The following AGO4 variants were observed in gnomAD, a reference collection of about 807,000 sequenced individuals.
AGO4 encodes argonaute RISC component 4.
A neutral mutation model predicts 104.7 loss-of-function variants in AGO4; 33 were observed. The observed-to-expected ratio is 0.32, with a 90% confidence interval of 0.24 to 0.42. The LOEUF (loss-of-function observed/expected upper bound fraction) is 0.42. Ranked by LOEUF, AGO4 falls within the 10% of genes least tolerant of loss-of-function variation. The pLI, the probability that AGO4 is intolerant of heterozygous loss-of-function variation, is 1.00. For synonymous variants in AGO4, 331 were observed against 364.7 expected (o/e 0.91, Z 1.05); for missense variants, 711 against 1,083.4 (o/e 0.66, Z 4.83).
At chr1:35,821,752 G>C (rs1227771659) in intron 2 of AGO4, among the ~76,000 whole-genome samples, 1 of 152,156 alleles carries the variant, frequency 6.6e-6, no homozygotes, top group East Asian at 1.9e-4. Flanking sequence ...AATAAGACAA[G>C]ACGGTATACA....
At chr1:35,813,019 A>G (rs1643560475) in intron 1 of AGO4, among the ~76,000 whole-genome samples, 1 of 152,134 alleles carries the variant, frequency 6.6e-6, no homozygotes. Flanking sequence ...TTTACTATTT[A>G]CTTCTTACCT....
chr1:35,830,075 T>C (rs1368342175), intron 7 of AGO4, among the ~76,000 whole-genome samples: 3 of 141,522 alleles, frequency 2.1e-5, no homozygotes, highest in Admixed American at 7.6e-5. Context: ...GCCCAAGTGG[T>C]GGAGGTTTCA....
chr1:35,845,437 C>G (rs1231266386), intron 15 of AGO4, among the ~76,000 whole-genome samples: 1 of 151,902 alleles, frequency 6.6e-6, no homozygotes, highest in East Asian at 1.9e-4. Flanking sequence ...GAACTCCTGA[C>G]CTCAAGTGAT....
At chr1:35,814,551 C>T (rs948160359) in intron 1 of AGO4, among the ~76,000 whole-genome samples, 35 of 149,548 alleles carry the variant, frequency 2.3e-4, no homozygotes, top group Admixed American at 4.1e-4. Flanking sequence ...TGAGAACATG[C>T]GGTGTTTATA....
Position 35,817,053 on chromosome 1 carries a change from G to T in AGO4, c.185+6G>T. The T allele has an allele frequency of 6.3e-7, 1 of 1,587,466 alleles. No individual in the cohort carries two copies. Among genetic ancestry groups the T allele is most frequent in the Non-Finnish European group, 8.6e-7 (1 of 1,165,790 alleles). Reference sequence around the variant, plus strand: ...CGGCCTCGTAGAGTCAACAGGTAAGGATTAGAAACAGTGGATTTCTGTATA... The same window carrying T: ...CGGCCTCGTAGAGTCAACAGGTAAGTATTAGAAACAGTGGATTTCTGTATA... On this transcript the variant is annotated splice_donor_region_variant and intron_variant, in intron 2 of 17. Coordinates refer to ENST00000373210, the MANE Select transcript of AGO4 (RefSeq NM_017629.4).
chr1:35,823,164 A>C lies in AGO4; in HGVS notation c.306+182A>C, dbSNP rs374699439. On this transcript the variant is annotated intron_variant, in intron 3 of 17. Transcript: ENST00000373210. The stretch of plus-strand genomic sequence containing the variant: ...ATCAAAATATCACATGTACCCCAAA[A>C]GTATGTACAACTGTCATATATCAAT... Among the ~76,000 whole-genome samples the C allele has an allele frequency of 1.1e-4, 17 of 152,332 alleles. No individual in the cohort carries two copies. The East Asian group carries it at 1.5e-3, about 14-fold the overall frequency.
At chr1:35,821,279 G>A (rs771694082) in intron 2 of AGO4, among the ~76,000 whole-genome samples, 1 of 152,098 alleles carries the variant, frequency 6.6e-6, no homozygotes, top group African/African-American at 2.4e-5. Context: ...ACGATACCAC[G>A]TCTCTCCATC....
chr1:35,835,903 T>C lies in AGO4; in HGVS notation c.1634T>C (p.Val545Ala). 6.2e-7 allele frequency: 1 copy of C among 1,614,084 alleles called. No individual in the cohort carries two copies. Among genetic ancestry groups the C allele is most frequent in the Non-Finnish European group, 8.5e-7 (1 of 1,179,988 alleles). The change falls in exon 13 of 18, where the codon GTG becomes GCG. Residue 545 changes from valine (V) to alanine (A), a missense_variant. Coordinates refer to ENST00000373210, the MANE Select transcript of AGO4 (RefSeq NM_017629.4). ...CAGTGTGTCCAGGTAAAAAATGTAG[T>C]GAAGACCTCACCTCAAACCCTTTCC... ...ATQCVQVKNV[V>A]KTSPQTLSNL...
chr1:35,815,199 A>G (rs546359530), intron 1 of AGO4, among the ~76,000 whole-genome samples: 6 of 152,086 alleles, frequency 3.9e-5, no homozygotes, highest in Admixed American at 1.3e-4. Flanking sequence ...CTTGCTTCCA[A>G]GTTTTCTCTC....
At chr1:35,831,360 GA>G in intron 7 of AGO4, 66 bp from the exon 8 acceptor site, 2 of 1,519,086 alleles carry the variant, frequency 1.3e-6, no homozygotes. Context: ...CAAAAAAAAA[GA>G]AAAAAGAAAA....
At chr1:35,812,725 G>A (rs1643549655) in intron 1 of AGO4, among the ~76,000 whole-genome samples, 1 of 151,990 alleles carries the variant, frequency 6.6e-6, no homozygotes, top group South Asian at 2.1e-4. Context: ...CCGAGTAGCT[G>A]GGATTACAGG....
Position 35,808,079 on chromosome 1 carries a change from C to T in AGO4, c.-338C>T, listed in dbSNP as rs1643351823. 1 of 149,362 alleles carries T rather than the reference C, an allele frequency of 6.7e-6. No homozygotes were observed. 9.3% of individuals were successfully genotyped at this position (149,362 alleles called of 1,614,324 possible). On this transcript the variant is annotated 5_prime_UTR_variant, in exon 1 of 18. Coordinates refer to ENST00000373210, the MANE Select transcript of AGO4 (RefSeq NM_017629.4). The surrounding 1 kb of genome is among the most constrained non-coding windows in gnomAD (Gnocchi z 5.2). ...ACCCCGCGCCCGGGGCCGCGCACGCCCCCTCCGCCCGCCGGGACCCTGGGT... is the reference window on the plus strand; with the variant it reads ...ACCCCGCGCCCGGGGCCGCGCACGCTCCCTCCGCCCGCCGGGACCCTGGGT...
At position 35,833,974 on chromosome 1, in the gene AGO4, G is replaced by C. The variant is rs768967712; in HGVS notation, c.1380-16G>C. 6.8e-7 allele frequency: 1 copy of C among 1,467,486 alleles called. No individual in the cohort carries two copies. Among genetic ancestry groups the C allele is most frequent in the Non-Finnish European group, 9.1e-7 (1 of 1,100,320 alleles). 90.9% of individuals were successfully genotyped at this position (1,467,486 alleles called of 1,614,324 possible). A position where few individuals can be genotyped will look rare whatever the true frequency, so the allele number is the denominator to read the frequency against. On this transcript the variant is annotated splice_polypyrimidine_tract_variant and intron_variant, in intron 11 of 17. Transcript: ENST00000373210. The stretch of plus-strand genomic sequence containing the variant: ...CTGAAATGAAAAAAACCGTGTTACT[G>C]GTTCTATTTTAACAGGAGTTTCACT...
intron 1 of AGO4, among the ~76,000 whole-genome samples, chr1:35,813,472 G>A (rs1213784346): frequency 6.6e-6 from 1 of 151,296 alleles, no homozygotes; most frequent in Non-Finnish European, 1.5e-5. Context: ...AAAAATAATT[G>A]TCAGCTGGGC....
At chr1:35,818,873 A>C (rs1643817419) in intron 2 of AGO4, among the ~76,000 whole-genome samples, 2 of 152,208 alleles carry the variant, frequency 1.3e-5, no homozygotes, top group South Asian at 4.1e-4. Flanking sequence ...CTAAACCCAC[A>C]ACGTGACTAA....
rs1466208147 is a variant in AGO4, at chr1:35,808,270, G to T, written c.-147G>T. Reference sequence around the variant, plus strand: ...TGTCCCCGGGCCGGGCGCCGCCGCCGCCCCCTGCCCAGCGCCCGCGTCTCC... The same window carrying T: ...TGTCCCCGGGCCGGGCGCCGCCGCCTCCCCCTGCCCAGCGCCCGCGTCTCC... On this transcript the variant is annotated 5_prime_UTR_variant, in exon 1 of 18. Coordinates refer to ENST00000373210, the MANE Select transcript of AGO4 (RefSeq NM_017629.4). This position sits in a 1 kb window ranked among gnomAD's most constrained non-coding sequence, Gnocchi z 5.2. 4.0e-5 allele frequency: 10 copies of T among 251,338 alleles called. No individual in the cohort carries two copies. Among genetic ancestry groups the T allele is most frequent in the Non-Finnish European group, 1.3e-5 (2 of 159,246 alleles). 15.6% of individuals were successfully genotyped at this position (251,338 alleles called of 1,614,324 possible).
At chr1:35,844,793 T>C (rs375185288) in intron 15 of AGO4, among the ~76,000 whole-genome samples, 98 of 152,334 alleles carry the variant, frequency 6.4e-4, no homozygotes, top group African/African-American at 2.2e-3. Flanking sequence ...GTTTAAATCT[T>C]CCTGAGTTCA....
chr1:35,846,019 G>A (rs999428551), intron 15 of AGO4, among the ~76,000 whole-genome samples: 1 of 152,180 alleles, frequency 6.6e-6, no homozygotes, highest in Admixed American at 6.5e-5. Context: ...ATCAGCCAAA[G>A]CAAGTCACCC....
In AGO4 at chr1:35,808,515, G is replaced by C. The variant is rs1478301666; in HGVS notation, c.19+80G>C. On this transcript the variant is annotated intron_variant, in intron 1 of 17. Transcript: ENST00000373210. This position sits in a 1 kb window ranked among gnomAD's most constrained non-coding sequence, Gnocchi z 5.2. ...CGGCCGGGACTTTCGCTGCCCCGTC[G>C]CCTCGCCGGGTTCGGGCCGCCAGGC... 1 of 1,142,892 alleles carries C rather than the reference G, an allele frequency of 8.7e-7. No individual in the cohort carries two copies. The highest frequency in any genetic ancestry group is 1.1e-6 in the Non-Finnish European group (1 of 924,540). 70.8% of individuals were successfully genotyped at this position (1,142,892 alleles called of 1,614,324 possible).
Sources: gnomAD v4.1 joint callset for allele counts (sites outside exome capture counted in the v4.1 genomes callset) on GRCh38, gnomAD v4.1.1 for gene constraint, Gnocchi (gnomAD v3.1) non-coding constraint, MANE v1.5 for transcripts, NCBI Gene and HGNC (gene_info 2026-07-23, HGNC 2026-07-21) for gene names.